The following NALCN variants were observed in gnomAD, a reference collection of about 807,000 sequenced individuals.
NALCN encodes sodium leak channel NALCN.
Under a neutral mutation model 225.3 loss-of-function variants are expected in NALCN, and 111 were observed. That is an observed-to-expected ratio of 0.49 (90% CI 0.42 to 0.58). The LOEUF (loss-of-function observed/expected upper bound fraction) is 0.58, where lower values mean the gene tolerates loss of function less well. NALCN is among the 20% of genes least tolerant of loss of function. The pLI is 0.00. For synonymous variants in NALCN, 764 were observed against 769.0 expected (o/e 0.99, Z 0.11); for missense variants, 1,378 against 2,202.4 (o/e 0.63, Z 7.49).
intron 39 of NALCN, among the ~76,000 whole-genome samples, chr13:101,066,486 C>T (rs2032402255): frequency 6.6e-6 from 1 of 150,536 alleles, no homozygotes; most frequent in Admixed American, 6.6e-5. Context: ...ACCATGCCCC[C>T]TGGCTGTATC....
At chr13:101,341,432 G>T (rs936589586) in intron 7 of NALCN, among the ~76,000 whole-genome samples, 1 of 151,994 alleles carries the variant, frequency 6.6e-6, no homozygotes, top group African/African-American at 2.4e-5. Context: ...TATTTTTTCT[G>T]GATGCCTAAT....
rs572512877 is a variant in NALCN, at chr13:101,094,451, GAATT to G, written c.3269+1119_3269+1122del. ...CATTTACTTCCATGATATTATCTTTGAATTAATAAAAATTAATAAATTATAACAT... is the reference window on the plus strand; with the variant it reads ...CATTTACTTCCATGATATTATCTTTGAATAAAAATTAATAAATTATAACAT... On this transcript the variant is annotated intron_variant, in intron 28 of 43. Coordinates refer to ENST00000251127, the MANE Select transcript of NALCN (RefSeq NM_052867.4). Among the ~76,000 whole-genome samples the G allele has an allele frequency of 6.2e-3, 941 of 152,070 alleles. 5 individuals are homozygous for G. Among genetic ancestry groups the G allele is most frequent in the Non-Finnish European group, 8.4e-3 (571 of 67,990 alleles).
At chr13:101,063,166 C>T (rs1475492894) in intron 40 of NALCN, among the ~76,000 whole-genome samples, 1 of 152,224 alleles carries the variant, frequency 6.6e-6, no homozygotes, top group Non-Finnish European at 1.5e-5. Flanking sequence ...CCCTGGTGCA[C>T]CTGTGAGCTA....
At chr13:101,310,241 T>A (rs1198212312) in intron 7 of NALCN, among the ~76,000 whole-genome samples, 1 of 152,190 alleles carries the variant, frequency 6.6e-6, no homozygotes, top group Non-Finnish European at 1.5e-5. Flanking sequence ...GCTTTCCATC[T>A]CATTTAAAAG....
chr13:101,167,045 G>A (rs1228062306), intron 15 of NALCN, among the ~76,000 whole-genome samples: 1 of 152,086 alleles, frequency 6.6e-6, no homozygotes, highest in Non-Finnish European at 1.5e-5. Context: ...GTTTACTTGT[G>A]GCCTCTCTAT....
At position 101,076,998 on chromosome 13, in the gene NALCN, ACTGGGGT is replaced by A. The variant is rs1244541508; in HGVS notation, c.3886-1064_3886-1058del. 4.6e-5 allele frequency among the ~76,000 whole-genome samples: 7 copies of A among 152,140 alleles called. No individual in the cohort carries two copies. In the South Asian group the frequency reaches 8.3e-4, roughly 18 times the overall value. On this transcript the variant is annotated intron_variant, in intron 34 of 43. Coordinates refer to ENST00000251127, the MANE Select transcript of NALCN (RefSeq NM_052867.4). Reference sequence around the variant, plus strand: ...GGGACCAGGTGGAGATAATTGAATCACTGGGGTGGTTTCCCTCATCCTGTTCTTGTGA... The same window carrying A: ...GGGACCAGGTGGAGATAATTGAATCAGGTTTCCCTCATCCTGTTCTTGTGA...
chr13:101,308,261 G>A (rs1007213109), intron 7 of NALCN, among the ~76,000 whole-genome samples: 2 of 152,180 alleles, frequency 1.3e-5, no homozygotes, highest in Non-Finnish European at 2.9e-5. Flanking sequence ...GCTGCTCAGT[G>A]AGGGAATATG....
chr13:101,300,402 CCTT>C (rs1361039159), intron 7 of NALCN, among the ~76,000 whole-genome samples: 3 of 132,218 alleles, frequency 2.3e-5, no homozygotes, highest in African/African-American at 8.9e-5. Flanking sequence ...TTCCTTCCCT[CCTT>C]CCTTCCTTTC....
At chr13:101,175,738 CCATTAAGAACACAG>C (rs1323180995) in intron 15 of NALCN, among the ~76,000 whole-genome samples, 1 of 152,196 alleles carries the variant, frequency 6.6e-6, no homozygotes, top group African/African-American at 2.4e-5. Context: ...AATCCTCCTG[CCATTAAGAACACAG>C]CATTCACCTA....
At chr13:101,247,668 G>A (rs1425962714) in intron 11 of NALCN, among the ~76,000 whole-genome samples, 1 of 151,870 alleles carries the variant, frequency 6.6e-6, no homozygotes, top group Non-Finnish European at 1.5e-5. Context: ...TAAATTTAAA[G>A]TTCCAGGATA....
intron 18 of NALCN, among the ~76,000 whole-genome samples, chr13:101,113,987 G>C (rs2035574671): frequency 6.6e-6 from 1 of 152,160 alleles, no homozygotes; most frequent in African/African-American, 2.4e-5. Context: ...GGGGTGAGTA[G>C]GGAGGGTAGC....
At chr13:101,299,189 C>T (rs1471614176) in intron 7 of NALCN, among the ~76,000 whole-genome samples, 2 of 152,110 alleles carry the variant, frequency 1.3e-5, no homozygotes, top group Admixed American at 6.6e-5. Context: ...GAAAGAAAAG[C>T]TTATTTCTTT....
intron 18 of NALCN, among the ~76,000 whole-genome samples, chr13:101,123,047 G>C (rs921516047): frequency 1.3e-5 from 2 of 152,166 alleles, no homozygotes; most frequent in South Asian, 4.1e-4. Context: ...AACTGAGAGA[G>C]GGGTAAATAA....
intron 10 of NALCN, among the ~76,000 whole-genome samples, chr13:101,281,028 G>A (rs1347271415): frequency 1.3e-5 from 2 of 151,962 alleles, no homozygotes; most frequent in African/African-American, 4.8e-5. Context: ...TTACAGGCGT[G>A]CACCACAACA....
intron 13 of NALCN, among the ~76,000 whole-genome samples, chr13:101,199,284 A>G (rs1040833955): frequency 5.3e-5 from 8 of 151,876 alleles, no homozygotes; most frequent in Admixed American, 2.6e-4. Context: ...AATTTAAAGT[A>G]TAATAAAAAA....
chr13:101,247,620 T>C (rs1201611114), intron 11 of NALCN, among the ~76,000 whole-genome samples: 3 of 152,152 alleles, frequency 2.0e-5, no homozygotes, highest in South Asian at 4.1e-4. Flanking sequence ...CATCATTTAG[T>C]TGTTTTCATT....
chr13:101,181,183 A>T (rs2039204459), intron 14 of NALCN: 1 of 518,646 alleles, frequency 1.9e-6, no homozygotes, highest in African/African-American at 1.9e-5. Flanking sequence ...TTTGGAAAAG[A>T]GCTGTGAGGA....
At chr13:101,301,680 C>A (rs1235305542) in intron 7 of NALCN, among the ~76,000 whole-genome samples, 1 of 151,042 alleles carries the variant, frequency 6.6e-6, no homozygotes, top group Non-Finnish European at 1.5e-5. Flanking sequence ...GAGATCACAC[C>A]ACCGCACTCC....
At chr13:101,273,902 A>AG (rs1316331544) in intron 10 of NALCN, among the ~76,000 whole-genome samples, 14 of 144,862 alleles carry the variant, frequency 9.7e-5, no homozygotes, top group Non-Finnish European at 1.3e-4. Flanking sequence ...AAAAAAAAAA[A>AG]AAAAAGAAAA....
Sources: allele counts gnomAD v4.1 joint callset (sites outside exome capture counted in the v4.1 genomes callset), GRCh38; gene constraint gnomAD v4.1.1; transcripts MANE v1.5; gene names NCBI Gene and HGNC (gene_info 2026-07-23, HGNC 2026-07-21).